SPECC1L: variants seen among roughly 807,000 people sequenced by gnomAD.
SPECC1L encodes cytospin-A.
SPECC1L carries 40 observed loss-of-function variants against 116.8 expected under a neutral mutation model. That is an observed-to-expected ratio of 0.34 (90% CI 0.27 to 0.45). The LOEUF (loss-of-function observed/expected upper bound fraction) is 0.45. Ranked by LOEUF, SPECC1L falls within the 20% of genes least tolerant of loss-of-function variation. The pLI, the probability that SPECC1L is intolerant of heterozygous loss-of-function variation, is 1.00. For missense variants in SPECC1L, 1,110 were observed against 1,373.6 expected, an observed-to-expected ratio of 0.81 and a Z score of 3.03; for synonymous variants, 504 against 500.6, an observed-to-expected ratio of 1.01 and a Z score of -0.09.
intron 2 of SPECC1L, among the ~76,000 whole-genome samples, chr22:24,290,359 G>A (rs1404909410): frequency 4.6e-5 from 7 of 152,212 alleles, no homozygotes; most frequent in Non-Finnish European, 1.5e-5. Context: ...AGATCTGGAT[G>A]CCATCTTTCC....
At chr22:24,293,789 G>A (rs2049203965) in intron 2 of SPECC1L, among the ~76,000 whole-genome samples, 1 of 129,340 alleles carries the variant, frequency 7.7e-6, no homozygotes, top group Non-Finnish European at 1.6e-5. Context: ...TGGAAGGAGG[G>A]CCAATTTAGG....
intron 14 of SPECC1L, among the ~76,000 whole-genome samples, chr22:24,395,408 C>G (rs978113764): frequency 6.6e-6 from 1 of 152,072 alleles, no homozygotes; most frequent in Admixed American, 6.5e-5. Context: ...TGAAAACAGC[C>G]TGGTCACACT....
chr22:24,293,361 G>C (rs204722), intron 2 of SPECC1L, among the ~76,000 whole-genome samples: 1 of 152,198 alleles, frequency 6.6e-6, no homozygotes, highest in East Asian at 1.9e-4. Flanking sequence ...GCTGAGGCAG[G>C]AGAATTGCTT....
chr22:24,340,522 A>G (rs2041155934), intron 10 of SPECC1L, among the ~76,000 whole-genome samples: 4 of 152,224 alleles, frequency 2.6e-5, no homozygotes, highest in Admixed American at 2.6e-4. Context: ...TAAAAGCAAA[A>G]TAAAGATGCC....
At chr22:24,389,921 C>T (rs2042233239) in intron 14 of SPECC1L, among the ~76,000 whole-genome samples, 1 of 152,140 alleles carries the variant, frequency 6.6e-6, no homozygotes, top group South Asian at 2.1e-4. Context: ...ATTTCAAAGC[C>T]TGTGGGTTGA....
At chr22:24,299,963 A>T (rs2049343881) in intron 2 of SPECC1L, among the ~76,000 whole-genome samples, 1 of 152,208 alleles carries the variant, frequency 6.6e-6, no homozygotes, top group Non-Finnish European at 1.5e-5. Flanking sequence ...GATAATTTAT[A>T]TAAATGGAAT....
rs943037789 is a variant in SPECC1L at position 24,345,364 on chromosome 22, C to T, written c.2653-1722C>T. On this transcript the variant is annotated intron_variant, in intron 10 of 16. Transcript: ENST00000314328. ...TAAAACTATAATTTTTACATGAGAA[C>T]ATGAGAGAAAATCTTCATGACTTTT... is the stretch of plus-strand genomic sequence containing the variant. 4.6e-5 allele frequency among the ~76,000 whole-genome samples: 7 copies of T among 152,138 alleles called. No homozygotes were observed. The East Asian group carries it at 1.2e-3, about 25-fold the overall frequency.
intron 11 of SPECC1L, among the ~76,000 whole-genome samples, chr22:24,359,030 A>G (rs1230914319): frequency 2.0e-5 from 3 of 151,912 alleles, no homozygotes; most frequent in African/African-American, 7.3e-5. Flanking sequence ...CTTCTCCTGT[A>G]TCTTCAACTT....
At chr22:24,333,830 A>G (rs1032756415) in intron 8 of SPECC1L, among the ~76,000 whole-genome samples, 1 of 151,882 alleles carries the variant, frequency 6.6e-6, no homozygotes, top group Non-Finnish European at 1.5e-5. Context: ...TTGATTACTG[A>G]TGTCCTTACC....
chr22:24,374,998 G>A (rs2041944558), intron 14 of SPECC1L, among the ~76,000 whole-genome samples: 1 of 151,646 alleles, frequency 6.6e-6, no homozygotes, highest in Non-Finnish European at 1.5e-5. Flanking sequence ...AGGAATAAAG[G>A]GACGTTACTA....
At chr22:24,338,883 G>A (rs2041116433) in intron 10 of SPECC1L, among the ~76,000 whole-genome samples, 1 of 152,180 alleles carries the variant, frequency 6.6e-6, no homozygotes, top group Admixed American at 6.5e-5. Flanking sequence ...TAGAGTAGGG[G>A]TTCAGAGTTA....
In SPECC1L at chr22:24,282,127, G is replaced by A. The variant is rs1357018243; in HGVS notation, c.-38+5324G>A. Among the ~76,000 whole-genome samples the A allele has an allele frequency of 4.6e-5, 7 of 152,356 alleles. No individual in the cohort carries two copies. In the East Asian group the frequency reaches 1.3e-3, roughly 29 times the overall value. On this transcript the variant is annotated intron_variant, in intron 2 of 16. Coordinates refer to ENST00000314328, the MANE Select transcript of SPECC1L (RefSeq NM_015330.6). Reference sequence around the variant, plus strand: ...TTCCTGGGTGGGGGCCACAAGATCAGATGAGCCAGTTAATCGATCTGGATG... The same window carrying A: ...TTCCTGGGTGGGGGCCACAAGATCAAATGAGCCAGTTAATCGATCTGGATG...
rs115205737 is a variant in SPECC1L at position 24,285,942 on chromosome 22, C to T, written c.-38+9139C>T. ...GGCGTGAGCTACCGCGCCTGGCGCG[C>T]TGTTCTTTTTTGAAAAGAAAATCTT... is the stretch of plus-strand genomic sequence containing the variant. On this transcript the variant is annotated intron_variant, in intron 2 of 16. Transcript: ENST00000314328. 6.1e-3 allele frequency among the ~76,000 whole-genome samples: 932 copies of T among 152,358 alleles called. 7 individuals are homozygous for T. Among genetic ancestry groups the T allele is most frequent in the African/African-American group, 0.021 (888 of 41,580 alleles).
At chr22:24,298,086 A>G (rs1163604970) in intron 2 of SPECC1L, among the ~76,000 whole-genome samples, 11 of 152,174 alleles carry the variant, frequency 7.2e-5, no homozygotes, top group African/African-American at 1.9e-4. Context: ...TTATGATGGC[A>G]TGAAACTGTC....
At chr22:24,343,860 T>C (rs1366107177) in intron 10 of SPECC1L, among the ~76,000 whole-genome samples, 1 of 152,130 alleles carries the variant, frequency 6.6e-6, no homozygotes, top group Admixed American at 6.6e-5. Flanking sequence ...GGGAATTCAT[T>C]ATCCACAGAC....
chr22:24,328,891 A>G lies in SPECC1L; in HGVS notation c.2192A>G (p.Glu731Gly), dbSNP rs1801090265. ...GACCAAAAGCACGACATGGAAAGAG[A>G]AATAAAGACACTCCACAGAAGACTT... ...LQDQKHDMEREIKTLHRRLRE... is the reference protein window; with the variant it reads ...LQDQKHDMERGIKTLHRRLRE... The change falls in exon 7 of 17, where the codon GAA becomes GGA. Residue 731 changes from glutamate (E) to glycine (G), a missense_variant. By Grantham distance (98) the Glu-to-Gly change is moderately conservative. Around this residue, in one of 4 missense-constraint regions of SPECC1L, gnomAD observed 575 missense variants for 682.4 expected, o/e 0.84. Coordinates refer to ENST00000314328, the MANE Select transcript of SPECC1L (RefSeq NM_015330.6). The G allele has an allele frequency of 6.2e-7, 1 of 1,613,690 alleles. No individual in the cohort carries two copies. The highest frequency in any genetic ancestry group is 1.3e-5 in the African/African-American group (1 of 74,932).
chr22:24,385,282 G>A (rs2042140792), intron 14 of SPECC1L, among the ~76,000 whole-genome samples: 1 of 152,038 alleles, frequency 6.6e-6, no homozygotes, highest in South Asian at 2.1e-4. Flanking sequence ...ATTAATACTT[G>A]ATTCATCCAA....
At position 24,342,272 on chromosome 22, in the gene SPECC1L, C is replaced by T. The variant is rs145927635; in HGVS notation, c.2652+3795C>T. ...TCAGTCAATAGATGCAGACCTAGAA[C>T]GGATAGAAATGATAGGATTAGCATG... On this transcript the variant is annotated intron_variant, in intron 10 of 16. Transcript: ENST00000314328. Among the ~76,000 whole-genome samples the T allele has an allele frequency of 9.1e-3, 1,391 of 152,132 alleles. 8 individuals are homozygous for T. Among genetic ancestry groups the T allele is most frequent in the Admixed American group, 0.014 (207 of 15,278 alleles).
chr22:24,371,932 G>T (rs2146657284), intron 14 of SPECC1L, among the ~76,000 whole-genome samples: 1 of 152,320 alleles, frequency 6.6e-6, no homozygotes, highest in South Asian at 2.1e-4. Context: ...TGTTGGCCAG[G>T]CTGGTCTTGA....
Sources: gnomAD v4.1 joint callset for allele counts (sites outside exome capture counted in the v4.1 genomes callset) on GRCh38, gnomAD v4.1.1 for gene constraint, gnomAD v4.1.1 regional missense constraint, MANE v1.5 for transcripts, NCBI Gene and HGNC (gene_info 2026-07-23, HGNC 2026-07-21) for gene names.